The following UTP4 variants were observed in gnomAD, a reference collection of about 807,000 sequenced individuals.
UTP4 encodes the protein U3 small nucleolar RNA-associated protein 4 homolog.
In UTP4, 45 loss-of-function variants were observed where a neutral mutation model predicts 82.4. The observed-to-expected ratio is 0.55, with a 90% CI of 0.43 to 0.70. The LOEUF is 0.70. Ranked by LOEUF, UTP4 falls within the 30% of genes least tolerant of loss-of-function variation. The pLI is 0.00. For missense variants in UTP4, 819 were observed against 858.3 expected, an observed-to-expected ratio of 0.95 and a Z score of 0.57; for synonymous variants, 348 against 300.3, an observed-to-expected ratio of 1.16 and a Z score of -1.64.
chr16:69,144,987 C>A (rs2152278628), intron 6 of UTP4, among the ~76,000 whole-genome samples: 1 of 151,952 alleles, frequency 6.6e-6, no homozygotes, highest in African/African-American at 2.4e-5. Flanking sequence ...ACTAAAAATG[C>A]AAAAATTAGC....
intron 14 of UTP4, among the ~76,000 whole-genome samples, chr16:69,164,441 T>C (rs1963644975): frequency 6.6e-6 from 1 of 151,976 alleles, no homozygotes; most frequent in Admixed American, 6.6e-5. Context: ...CTTGATAATA[T>C]ACAGTGTTCT....
chr16:69,135,790 C>G (rs1454693047), intron 2 of UTP4, among the ~76,000 whole-genome samples: 1 of 152,064 alleles, frequency 6.6e-6, no homozygotes, highest in Non-Finnish European at 1.5e-5. Flanking sequence ...GTTTGGGAGG[C>G]CAAGGTGGGC....
chr16:69,143,500 T>C (rs761893437), intron 6 of UTP4, 111 bp downstream of exon 6: 6 of 942,986 alleles, frequency 6.4e-6, no homozygotes, highest in Non-Finnish European at 1.0e-5. Context: ...GATGTTGTAC[T>C]GGAGGAAGAT....
intron 8 of UTP4, among the ~76,000 whole-genome samples, chr16:69,153,092 C>T (rs988927479): frequency 6.6e-6 from 1 of 152,114 alleles, no homozygotes; most frequent in Non-Finnish European, 1.5e-5. Flanking sequence ...TTGTAGCACC[C>T]CCACCCAGGC....
intron 10 of UTP4, among the ~76,000 whole-genome samples, chr16:69,155,042 A>T (rs930832276): frequency 3.3e-5 from 5 of 152,186 alleles, no homozygotes; most frequent in African/African-American, 9.6e-5. Flanking sequence ...TTAAAAACTC[A>T]AATAGTACAA....
intron 15 of UTP4, chr16:69,166,812 A>C: frequency 2.1e-6 from 1 of 483,998 alleles, no homozygotes; most frequent in Non-Finnish European, 3.7e-6. Flanking sequence ...TTTGCCTCAT[A>C]CACCCACCCT....
chr16:69,133,116 T>C (rs1962686644), intron 1 of UTP4: 2 of 332,510 alleles, frequency 6.0e-6, no homozygotes, highest in Admixed American at 4.5e-5. Context: ...TCACTGTCAC[T>C]ACCTCAGTTT....
intron 8 of UTP4, among the ~76,000 whole-genome samples, chr16:69,152,542 T>G (rs906958951): frequency 6.8e-6 from 1 of 148,102 alleles, no homozygotes; most frequent in Non-Finnish European, 1.5e-5. Context: ...AAATCTCGGC[T>G]CACTGCAACC....
chr16:69,164,743 A>G (rs1963658008), intron 14 of UTP4, among the ~76,000 whole-genome samples: 1 of 151,884 alleles, frequency 6.6e-6, no homozygotes, highest in Non-Finnish European at 1.5e-5. Flanking sequence ...AGAGTGGATA[A>G]GTAAATCATG....
At chr16:69,145,157 A>G (rs1963073912) in intron 6 of UTP4, among the ~76,000 whole-genome samples, 1 of 151,974 alleles carries the variant, frequency 6.6e-6, no homozygotes, top group Non-Finnish European at 1.5e-5. Flanking sequence ...AACAATAATA[A>G]TAATAATAAT....
chr16:69,162,916 G>T (rs1403163553), intron 13 of UTP4, among the ~76,000 whole-genome samples, 167 bp from the exon 14 acceptor site: 1 of 151,324 alleles, frequency 6.6e-6, no homozygotes, highest in East Asian at 1.9e-4. Flanking sequence ...AGAAGAAAAA[G>T]AAATGAAAGT....
rs185191659 is a variant in UTP4 at position 69,141,813 on chromosome 16, C to T, written c.527-1365C>T. Among the ~76,000 whole-genome samples the T allele has an allele frequency of 2.1e-3, 313 of 150,928 alleles. 2 individuals are homozygous for T. Among genetic ancestry groups the T allele is most frequent in the Admixed American group, 3.6e-3 (54 of 15,168 alleles). ...CTTTATGTTTCATTATACAGAAACT[C>T]TTCTCTTTCTTTTTTTATTTTATTT... On this transcript the variant is annotated intron_variant, in intron 5 of 16. Coordinates refer to ENST00000314423, the MANE Select transcript of UTP4 (RefSeq NM_032830.3).
At chr16:69,138,051 G>A in intron 4 of UTP4, 166 bp downstream of exon 4, 1 of 626,836 alleles carries the variant, frequency 1.6e-6, no homozygotes, top group Non-Finnish European at 2.8e-6. Flanking sequence ...TTTACCCATT[G>A]TATAGCATAG....
Position 69,154,300 on chromosome 16 carries a change from A to T in UTP4, c.1100-93A>T. 11 of 980,002 alleles carry T rather than the reference A, an allele frequency of 1.1e-5. No homozygotes were observed. The South Asian group carries it at 1.5e-4, about 13-fold the overall frequency. 60.7% of individuals were successfully genotyped at this position (980,002 alleles called of 1,614,324 possible). A position where few individuals can be genotyped will look rare whatever the true frequency, so the allele number is the denominator to read the frequency against. On this transcript the variant is annotated intron_variant, in intron 9 of 16. Coordinates refer to ENST00000314423, the MANE Select transcript of UTP4 (RefSeq NM_032830.3). ...TTTTTCTGATTTCCCACTGATAGAG[A>T]TTCCATTTTTCCAAGGAGTAACTTT... is the stretch of plus-strand genomic sequence containing the variant.
chr16:69,134,628 T>C (rs1362315503), intron 2 of UTP4, among the ~76,000 whole-genome samples: 1 of 151,564 alleles, frequency 6.6e-6, no homozygotes, highest in Non-Finnish European at 1.5e-5. Flanking sequence ...ACAAATGGGT[T>C]ACATTCTGTG....
At chr16:69,153,898 G>C (rs1963342837) in intron 9 of UTP4, among the ~76,000 whole-genome samples, 1 of 152,160 alleles carries the variant, frequency 6.6e-6, no homozygotes, top group Non-Finnish European at 1.5e-5. Context: ...TATGGCTCTA[G>C]GTGGTGCGCT....
intron 13 of UTP4, among the ~76,000 whole-genome samples, chr16:69,162,121 C>T (rs1302846128): frequency 6.6e-6 from 1 of 152,012 alleles, no homozygotes. Context: ...GTGCACGCCA[C>T]CACACCCAGC....
At chr16:69,139,601 G>A (rs1288393257) in intron 4 of UTP4, 1 of 167,752 alleles carries the variant, frequency 6.0e-6, no homozygotes, top group Non-Finnish European at 1.2e-5. Context: ...ATCCCACTGC[G>A]GCACTCCAGC....
intron 6 of UTP4, among the ~76,000 whole-genome samples, chr16:69,150,237 A>G (rs1963224430): frequency 6.6e-6 from 1 of 152,120 alleles, no homozygotes; most frequent in South Asian, 2.1e-4. Context: ...AAATTTCTCA[A>G]GTAGGTCCTA....
Sources: allele counts gnomAD v4.1 joint callset (sites outside exome capture counted in the v4.1 genomes callset), GRCh38; gene constraint gnomAD v4.1.1; transcripts MANE v1.5; gene names NCBI Gene and HGNC (gene_info 2026-07-23, HGNC 2026-07-21).